The following ROBO2 variants were observed in gnomAD, a reference collection of about 807,000 sequenced individuals.
ROBO2 encodes the protein roundabout guidance receptor 2, also known as roundabout homolog 2.
A neutral mutation model predicts 160.8 loss-of-function variants in ROBO2; 53 were observed. The observed-to-expected ratio is 0.33, with a 90% CI of 0.26 to 0.41. The LOEUF (loss-of-function observed/expected upper bound fraction) is 0.41. ROBO2 is among the 10% of genes least tolerant of loss of function. The pLI, the probability that ROBO2 is intolerant of heterozygous loss-of-function variation, is 1.00. For synonymous variants in ROBO2, 664 were observed against 611.7 expected (o/e 1.09, Z -1.26); for missense variants, 1,577 against 1,722.4 (o/e 0.92, Z 1.49).
At chr3:77,373,209 T>C (rs1404544973) in intron 2 of ROBO2, among the ~76,000 whole-genome samples, 1 of 148,106 alleles carries the variant, frequency 6.8e-6, no homozygotes, top group Non-Finnish European at 1.5e-5. Context: ...TATAATAAAA[T>C]AATTAAAATA....
chr3:76,123,911 C>G (rs2070857377), intron 2 of ROBO2, among the ~76,000 whole-genome samples: 1 of 151,858 alleles, frequency 6.6e-6, no homozygotes, highest in Non-Finnish European at 1.5e-5. Flanking sequence ...TTCTTTCTTG[C>G]TTTTTTGAAT....
intron 2 of ROBO2, among the ~76,000 whole-genome samples, chr3:77,132,591 A>C (rs2075948093): frequency 1.3e-5 from 2 of 152,152 alleles, no homozygotes; most frequent in South Asian, 4.1e-4. Flanking sequence ...CATTAGATGA[A>C]ATAAATGAAC....
intron 2 of ROBO2, among the ~76,000 whole-genome samples, chr3:77,283,138 C>A (rs1339945517): frequency 6.6e-6 from 1 of 151,904 alleles, no homozygotes; most frequent in Non-Finnish European, 1.5e-5. Flanking sequence ...ACATCTAGAA[C>A]AACTAGAAAA....
intron 1 of ROBO2, among the ~76,000 whole-genome samples, chr3:77,096,511 C>T (rs2071085541): frequency 6.6e-6 from 1 of 150,814 alleles, no homozygotes; most frequent in Admixed American, 6.6e-5. Flanking sequence ...TGCAGTGGCA[C>T]AATCTTGGCT....
chr3:77,425,195 GAAA>G (rs147560096), intron 2 of ROBO2, among the ~76,000 whole-genome samples: 2 of 104,482 alleles, frequency 1.9e-5, no homozygotes, highest in Non-Finnish European at 2.1e-5. Flanking sequence ...GCAATGGCAA[GAAA>G]AAAAAAAAAA....
At chr3:76,283,836 A>C (rs957357804) in intron 2 of ROBO2, among the ~76,000 whole-genome samples, 1 of 152,028 alleles carries the variant, frequency 6.6e-6, no homozygotes, top group African/African-American at 2.4e-5. Context: ...GTTTGTTTTG[A>C]GAATGTTGAG....
chr3:77,144,016 C>A (rs1477835895), intron 2 of ROBO2, among the ~76,000 whole-genome samples: 1 of 152,124 alleles, frequency 6.6e-6, no homozygotes, highest in African/African-American at 2.4e-5. Context: ...AAAAGAAAGG[C>A]CTTCAATGAC....
intron 2 of ROBO2, among the ~76,000 whole-genome samples, chr3:76,366,457 G>A (rs995979481): frequency 6.6e-6 from 1 of 151,960 alleles, no homozygotes; most frequent in Non-Finnish European, 1.5e-5. Flanking sequence ...CTGAATAAAG[G>A]ATTTATGAGC....
At chr3:76,219,350 G>C (rs1291829002) in intron 2 of ROBO2, among the ~76,000 whole-genome samples, 8 of 152,116 alleles carry the variant, frequency 5.3e-5, no homozygotes, top group South Asian at 2.1e-4. Flanking sequence ...TAAAGAGCTT[G>C]TGCACAGCAA....
chr3:76,568,463 ATTT>A (rs56210601), intron 2 of ROBO2, among the ~76,000 whole-genome samples: 1,794 of 143,030 alleles, frequency 0.013, 27 homozygotes, highest in African/African-American at 0.037. Context: ...CGCCCAGATA[ATTT>A]TTTTTTTTTT....
intron 2 of ROBO2, among the ~76,000 whole-genome samples, chr3:77,410,657 TTCTTCCTCCTCC>T (rs1208400903): frequency 3.0e-5 from 2 of 66,338 alleles, no homozygotes; most frequent in African/African-American, 1.3e-4. Flanking sequence ...TCTCCTCCTC[TTCTTCCTCCTCC>T]TCTTCCTCCT....
intron 2 of ROBO2, among the ~76,000 whole-genome samples, chr3:77,299,355 A>T (rs2062445776): frequency 6.6e-6 from 1 of 152,152 alleles, no homozygotes; most frequent in South Asian, 2.1e-4. Context: ...GCCTAGAGAT[A>T]TATTAGTTTG....
intron 16 of ROBO2, among the ~76,000 whole-genome samples, chr3:77,584,955 C>CAT (rs1329883159): frequency 6.8e-6 from 1 of 147,730 alleles, no homozygotes; most frequent in African/African-American, 2.5e-5. Flanking sequence ...TACACACACA[C>CAT]ATATATATAC....
chr3:76,499,741 A>G (rs1202382330), intron 2 of ROBO2, among the ~76,000 whole-genome samples: 15 of 152,228 alleles, frequency 9.9e-5, no homozygotes. Flanking sequence ...CAAAGAGTAT[A>G]CATTAAAACT....
chr3:76,301,446 C>T (rs1214413874), intron 2 of ROBO2, among the ~76,000 whole-genome samples: 1 of 152,002 alleles, frequency 6.6e-6, no homozygotes. Context: ...CTGGGATACA[C>T]ATTGGTGAAG....
chr3:76,991,929 T>G (rs1427660944), intron 2 of ROBO2, among the ~76,000 whole-genome samples: 2 of 152,140 alleles, frequency 1.3e-5, no homozygotes, highest in African/African-American at 4.8e-5. Flanking sequence ...TTTAATCAGA[T>G]AGTCACTCTG....
intron 2 of ROBO2, among the ~76,000 whole-genome samples, chr3:77,394,169 G>GC (rs2075032977): frequency 6.6e-6 from 1 of 152,148 alleles, no homozygotes; most frequent in Non-Finnish European, 1.5e-5. Context: ...GTGGAAGCTA[G>GC]CATCCATCTT....
chr3:76,785,079 C>T (rs2062886617), intron 2 of ROBO2, among the ~76,000 whole-genome samples: 1 of 151,118 alleles, frequency 6.6e-6, no homozygotes, highest in Non-Finnish European at 1.5e-5. Flanking sequence ...AATTCCTATT[C>T]TGTTTGCTGA....
chr3:77,010,853 T>TCTCCCTCC (rs1162529987), intron 2 of ROBO2, among the ~76,000 whole-genome samples: 3 of 93,556 alleles, frequency 3.2e-5, no homozygotes, highest in African/African-American at 8.5e-5. Context: ...TCCCTCCCTC[T>TCTCCCTCC]CTCCCTCCCT....
Sources: allele counts gnomAD v4.1 joint callset (sites outside exome capture counted in the v4.1 genomes callset), GRCh38; gene constraint gnomAD v4.1.1; transcripts MANE v1.5; gene names NCBI Gene and HGNC (gene_info 2026-07-23, HGNC 2026-07-21).